Variants in CHD8 observed in about 807,000 individuals in gnomAD.
CHD8 encodes ATP-dependent chromatin remodeler CHD8.
CHD8 carries 31 observed loss-of-function variants against 279.2 expected under a neutral mutation model. The ratio of observed to expected loss-of-function variants is 0.11; its 90% CI spans 0.08 to 0.15. The LOEUF (loss-of-function observed/expected upper bound fraction) is 0.15. Ranked by LOEUF, CHD8 falls within the 10% of genes least tolerant of loss-of-function variation. CHD8 has a pLI of 1.00. For synonymous variants in CHD8, 1,081 were observed against 1,139.6 expected, an observed-to-expected ratio of 0.95 and a Z score of 1.04; for missense variants, 2,146 against 3,230.5, an observed-to-expected ratio of 0.66 and a Z score of 8.14.
chr14:21,446,823 CTTA>C (rs1890134389), intron 1 of CHD8, among the ~76,000 whole-genome samples: 1 of 152,166 alleles, frequency 6.6e-6, no homozygotes, highest in South Asian at 2.1e-4. Context: ...TATAAATTAT[CTTA>C]TAACTTCCAG....
chr14:21,412,510 T>C (rs753715332), intron 10 of CHD8, among the ~76,000 whole-genome samples: 2 of 152,094 alleles, frequency 1.3e-5, no homozygotes, highest in Non-Finnish European at 2.9e-5. Flanking sequence ...AGTAGCCCAT[T>C]CTCAAGAACA....
Position 21,400,317 on chromosome 14 carries a change from G to T in CHD8, c.4571-10C>A, listed in dbSNP as rs150205863. The stretch of plus-strand genomic sequence containing the variant: ...ACAGGGATAGATAGACCTGGGAAAG[G>T]GGAGACATCAAAGACTTGGATTGAG... On this transcript the variant is annotated splice_polypyrimidine_tract_variant and intron_variant, in intron 23 of 37. Transcript: ENST00000646647. This position sits in a 1 kb window ranked among gnomAD's most constrained non-coding sequence, Gnocchi z 4.2. 262 of 1,613,672 alleles carry T rather than the reference G, an allele frequency of 1.6e-4. 1 individual carries two copies. The African/African-American group carries it at 3.3e-3, about 20-fold the overall frequency.
chr14:21,386,342 G>A, intron 37 of CHD8, 166 bp from the exon 38 acceptor site: 1 of 627,610 alleles, frequency 1.6e-6, no homozygotes, highest in South Asian at 2.1e-5. Context: ...TGGGAAGGAG[G>A]AAATGCTGGA....
intron 1 of CHD8, among the ~76,000 whole-genome samples, chr14:21,453,516 G>A (rs577325308): frequency 6.6e-6 from 1 of 152,022 alleles, no homozygotes; most frequent in East Asian, 1.9e-4. Flanking sequence ...TGAATCAAAT[G>A]CTAAAGGTAA....
In CHD8 at chr14:21,399,503, CAGAT is replaced by C. The variant is rs1366859410; in HGVS notation, c.4921+95_4921+98del. ...CTACTCAAATTTATTGAAGATCAAT[CAGAT>C]AACTGAGTTATTTCTCAGGAGCATT... On this transcript the variant is annotated intron_variant, in intron 26 of 37. Transcript: ENST00000646647. 4.7e-5 allele frequency: 38 copies of C among 803,318 alleles called. 1 individual carries two copies. Among genetic ancestry groups the C allele is most frequent in the Non-Finnish European group, 6.3e-5 (29 of 462,436 alleles). The allele number at this position is 803,318 out of a possible 1,614,324, so 49.8% of individuals were successfully genotyped here.
intron 1 of CHD8, among the ~76,000 whole-genome samples, chr14:21,449,631 T>A (rs541949994): frequency 3.3e-5 from 5 of 152,362 alleles, no homozygotes; most frequent in African/African-American, 2.4e-5. Flanking sequence ...TGAAACAGAT[T>A]TCAACCAGCA....
At position 21,402,572 on chromosome 14, in the gene CHD8, A is replaced by ATACCAATTT; in HGVS notation, c.3715-78_3715-70dup. The ATACCAATTT allele has an allele frequency of 7.2e-7, 1 of 1,396,808 alleles. No individual in the cohort carries two copies. Among genetic ancestry groups the ATACCAATTT allele is most frequent in the Non-Finnish European group, 9.6e-7 (1 of 1,040,500 alleles). 86.5% of individuals were successfully genotyped at this position (1,396,808 alleles called of 1,614,324 possible). A position where few individuals can be genotyped will look rare whatever the true frequency, so the allele number is the denominator to read the frequency against. Reference sequence around the variant, plus strand: ...AAATTAGCAAGGGAAAGGATACAAAATACCAATTTATGATTCTTTCACCTC... The same window carrying ATACCAATTT: ...AAATTAGCAAGGGAAAGGATACAAAATACCAATTTTACCAATTTATGATTCTTTCACCTC... On this transcript the variant is annotated intron_variant, in intron 18 of 37. Coordinates refer to ENST00000646647, the MANE Select transcript of CHD8 (RefSeq NM_001170629.2). The surrounding 1 kb of genome is among the most constrained non-coding windows in gnomAD (Gnocchi z 4.5).
chr14:21,401,352 G>A (rs1888027485), intron 21 of CHD8, 51 bp downstream of exon 21: 4 of 1,118,178 alleles, frequency 3.6e-6, no homozygotes, highest in South Asian at 1.5e-5. Flanking sequence ...AAAGACTCCC[G>A]AAAGTAGTGT....
chr14:21,432,130 G>A (rs890670427), intron 1 of CHD8, among the ~76,000 whole-genome samples: 2 of 152,018 alleles, frequency 1.3e-5, no homozygotes, highest in Admixed American at 6.6e-5. Context: ...GTCTTTCTCC[G>A]TTTCTTTTAA....
chr14:21,393,969 C>T lies in CHD8; in HGVS notation c.5826G>A (p.Val1942=). Residue 1942 remains valine, a synonymous_variant, in exon 32 of 38, where the codon GTG becomes GTA. Transcript: ENST00000646647. The part of the protein sequence containing the change: ...ELLRGAARHG[V]SQTDCNIMQD... ...GCATGATGTTGCAGTCTGTTTGGCT[C>T]ACCCCATGGCGGGCTGCCCCTCTTA... is the stretch of plus-strand genomic sequence containing the variant. 2 of 1,613,964 alleles carry T rather than the reference C, an allele frequency of 1.2e-6. No homozygotes were observed. Among genetic ancestry groups the T allele is most frequent in the Non-Finnish European group, 1.7e-6 (2 of 1,179,872 alleles).
chr14:21,386,836 CA>C (rs36092694), intron 37 of CHD8, among the ~76,000 whole-genome samples: 71,027 of 133,544 alleles, frequency 0.53, 17,033 homozygotes, highest in Middle Eastern at 0.59. Flanking sequence ...GACTCCGTCT[CA>C]AAAAAAAAAA....
intron 5 of CHD8, among the ~76,000 whole-genome samples, chr14:21,418,264 T>A (rs1888834404): frequency 6.6e-6 from 1 of 152,146 alleles, no homozygotes; most frequent in African/African-American, 2.4e-5. Flanking sequence ...ACGCCTGTAA[T>A]CCCAGCACTT....
Position 21,393,655 on chromosome 14 carries a change from G to C in CHD8, c.6140C>G (p.Pro2047Arg). The change falls in exon 32 of 38, where the codon CCC (proline) becomes CGC (arginine). Residue 2047 changes from proline (P) to arginine (R), a missense_variant. By Grantham distance (103) the Pro-to-Arg change is moderately radical. Transcript: ENST00000646647. ...GGAAACCAGAGGGGTAGTATCAGAG[G>C]GGGATACTCGCATCTCATAGTCTTG... ...TPQDYEMRVSPSDTTPLVSRS... is the reference protein window; with the variant it reads ...TPQDYEMRVSRSDTTPLVSRS... 1 of 1,613,790 alleles carries C rather than the reference G, an allele frequency of 6.2e-7. No homozygotes were observed. The highest frequency in any genetic ancestry group is 8.5e-7 in the Non-Finnish European group (1 of 1,179,718).
intron 5 of CHD8, 169 bp downstream of exon 5, chr14:21,425,959 C>G: frequency 1.8e-6 from 1 of 560,584 alleles, no homozygotes; most frequent in East Asian, 3.0e-5. Context: ...ACAACAACAA[C>G]AACAGAAAAA....
intron 5 of CHD8, among the ~76,000 whole-genome samples, chr14:21,423,179 T>C (rs918316747): frequency 1.1e-4 from 16 of 152,012 alleles, no homozygotes; most frequent in South Asian, 4.2e-4. Context: ...GATTGCGCCA[T>C]TGCACTCCAG....
chr14:21,442,725 AGAGGGGAAGAGACGG>A (rs1890010556), intron 1 of CHD8, among the ~76,000 whole-genome samples: 1 of 70,154 alleles, frequency 1.4e-5, no homozygotes. Flanking sequence ...AGAAGGGAGG[AGAGGGGAAGAGACGG>A]GAGGAGAGGG....
rs749015693 is a variant in CHD8 at position 21,427,894 on chromosome 14, T to C, written c.1576A>G (p.Lys526Glu). Residue 526 changes from lysine (K) to glutamate (E), a missense_variant, in exon 4 of 38, where the codon AAA becomes GAA. By Grantham distance (56) the Lys-to-Glu change is moderately conservative (BLOSUM62 1). Around this residue, in one of 26 missense-constraint regions of CHD8, gnomAD observed 123 missense variants for 169.2 expected, o/e 0.73. Transcript: ENST00000646647. ...TTGAGCTTGCTCTTGCCCTTTGTTTTGGAGGCACCAGATGTTTTACTCTTC... is the reference window on the plus strand; with the variant it reads ...TTGAGCTTGCTCTTGCCCTTTGTTTCGGAGGCACCAGATGTTTTACTCTTC... ...PKKSKTSGAS[K>E]TKGKSKLNTI... 1.2e-6 allele frequency: 2 copies of C among 1,613,956 alleles called. No homozygotes were observed. Among genetic ancestry groups the C allele is most frequent in the Non-Finnish European group, 1.7e-6 (2 of 1,179,914 alleles).
chr14:21,415,389 A>G, intron 7 of CHD8, 185 bp downstream of exon 7: 1 of 340,900 alleles, frequency 2.9e-6, no homozygotes, highest in East Asian at 5.2e-5. Context: ...AGTCCCAGAT[A>G]CTCAGGAGGC....
intron 1 of CHD8, among the ~76,000 whole-genome samples, chr14:21,442,318 T>C (rs1889996632): frequency 6.6e-6 from 1 of 151,856 alleles, no homozygotes; most frequent in Non-Finnish European, 1.5e-5. Flanking sequence ...ATACAAAAAT[T>C]AGCCAGGCGT....
Sources: allele counts gnomAD v4.1 joint callset (sites outside exome capture counted in the v4.1 genomes callset), GRCh38; gene constraint gnomAD v4.1.1; regional missense constraint gnomAD v4.1.1; non-coding constraint Gnocchi (gnomAD v3.1); transcripts MANE v1.5; gene names NCBI Gene and HGNC (gene_info 2026-07-23, HGNC 2026-07-21).